IPO11: variants seen among roughly 807,000 people sequenced by gnomAD.
IPO11 encodes importin 11.
In IPO11, 66 loss-of-function variants were observed where a neutral mutation model predicts 143.2. That is an observed-to-expected ratio of 0.46 (90% CI 0.38 to 0.57). IPO11 has a LOEUF of 0.57. Ranked by LOEUF, IPO11 falls within the 20% of genes least tolerant of loss-of-function variation. The pLI is 0.00. For synonymous variants in IPO11, 385 were observed against 377.8 expected, an observed-to-expected ratio of 1.02 and a Z score of -0.22; for missense variants, 1,026 against 1,141.0, an observed-to-expected ratio of 0.90 and a Z score of 1.45.
rs778683858 is a variant in IPO11, at chr5:62,467,242, C to T, written c.628C>T (p.Arg210Ter). The change falls in exon 6 of 30, where the codon CGA (arginine) becomes TGA (stop). Residue 210 changes from arginine (R) to a stop codon, truncating the protein, a stop_gained. Coordinates refer to ENST00000325324, the MANE Select transcript of IPO11 (RefSeq NM_016338.5). LOFTEE classifies it high-confidence loss of function. Reference protein sequence around the residue: ...NEAAILSSLERTLLSLKVLRK... With the variant: ...NEAAILSSLE ...AGCTGCAATTTTGAGTTCACTAGAA[C>T]GAACACTGCTATCATTGAAAGGTAC... 4.3e-6 allele frequency: 7 copies of T among 1,613,722 alleles called. No homozygotes were observed. Among genetic ancestry groups the T allele is most frequent in the East Asian group, 2.2e-5 (1 of 44,858 alleles).
At chr5:62,442,266 G>GT (rs1367313939) in intron 2 of IPO11, among the ~76,000 whole-genome samples, 1 of 152,146 alleles carries the variant, frequency 6.6e-6, no homozygotes, top group Non-Finnish European at 1.5e-5. Context: ...CTATGCTGTA[G>GT]TGGGCCTACT....
At chr5:62,433,836 G>C (rs1305888585) in intron 1 of IPO11, among the ~76,000 whole-genome samples, 1 of 152,158 alleles carries the variant, frequency 6.6e-6, no homozygotes, top group Non-Finnish European at 1.5e-5. Flanking sequence ...ATTGCTTTGA[G>C]GGTTGGCAGT....
At chr5:62,554,716 TGGGGGGGTGG>T (rs1743513064) in intron 26 of IPO11, among the ~76,000 whole-genome samples, 1 of 25,922 alleles carries the variant, frequency 3.9e-5, no homozygotes. Flanking sequence ...CACACTTTTT[TGGGGGGGTGG>T]GGGTGGGGAG....
intron 28 of IPO11, among the ~76,000 whole-genome samples, chr5:62,599,176 T>C (rs937722937): frequency 2.0e-5 from 3 of 152,174 alleles, no homozygotes; most frequent in Admixed American, 1.3e-4. Context: ...CTTCAAGTGG[T>C]TGAGCTGAAA....
intron 16 of IPO11, among the ~76,000 whole-genome samples, chr5:62,500,205 C>A (rs1741301644): frequency 6.6e-6 from 1 of 152,120 alleles, no homozygotes; most frequent in South Asian, 2.1e-4. Flanking sequence ...TTGCTTGAGC[C>A]TAAGAGGTCA....
At chr5:62,515,190 A>G (rs1162179159) in intron 19 of IPO11, among the ~76,000 whole-genome samples, 198 bp from the exon 20 acceptor site, 1 of 152,324 alleles carries the variant, frequency 6.6e-6, no homozygotes, top group East Asian at 1.9e-4. Flanking sequence ...AAAATTATTT[A>G]AAAATATTTA....
rs550649153 is a variant in IPO11 at position 62,614,434 on chromosome 5, C to T, written c.2763+12586C>T. ...TCCCGCCAGCATTGTCATTACAGGA[C>T]AGGGAAGTGCTGCTGGCAGTAATGG... On this transcript the variant is annotated intron_variant, in intron 29 of 29. Coordinates refer to ENST00000325324, the MANE Select transcript of IPO11 (RefSeq NM_016338.5). Among the ~76,000 whole-genome samples the T allele has an allele frequency of 8.5e-5, 13 of 152,340 alleles. No individual in the cohort carries two copies. The South Asian group carries it at 2.7e-3, about 32-fold the overall frequency.
chr5:62,514,036 G>T (rs1433441042), intron 19 of IPO11, among the ~76,000 whole-genome samples: 4,244 of 142,322 alleles, frequency 0.03, no homozygotes, highest in East Asian at 0.072. Context: ...GATGGGATGG[G>T]GGCCGGGACG....
rs571544457 is a variant in IPO11, at chr5:62,542,846, A to G, written c.2250+5557A>G. On this transcript the variant is annotated intron_variant, in intron 24 of 29. Coordinates refer to ENST00000325324, the MANE Select transcript of IPO11 (RefSeq NM_016338.5). ...TTGAATTCTCATTCTGGTCATGGTC[A>G]TATTAAGCAATGTTAAGCCAAGTTT... Among the ~76,000 whole-genome samples the G allele has an allele frequency of 6.6e-5, 10 of 152,338 alleles. No homozygotes were observed. In the South Asian group the frequency reaches 1.7e-3, roughly 25 times the overall value.
chr5:62,542,963 C>G (rs767159), intron 24 of IPO11, among the ~76,000 whole-genome samples: 1 of 151,910 alleles, frequency 6.6e-6, no homozygotes, highest in African/African-American at 2.4e-5. Flanking sequence ...TAGCATTTAA[C>G]ATATGCTACA....
intron 1 of IPO11, among the ~76,000 whole-genome samples, chr5:62,435,082 G>GTATATATATA (rs1561308691): frequency 1.1e-5 from 1 of 94,504 alleles, no homozygotes; most frequent in African/African-American, 4.6e-5. Context: ...GTATATATAT[G>GTATATATATA]TGTATATATG....
intron 8 of IPO11, among the ~76,000 whole-genome samples, chr5:62,476,318 T>C (rs1306599348): frequency 1.3e-5 from 2 of 152,122 alleles, no homozygotes; most frequent in Non-Finnish European, 1.5e-5. Context: ...TCAGAAGATA[T>C]AGGAAAAATG....
chr5:62,579,536 C>T (rs1044629009), intron 27 of IPO11: 12 of 1,550,868 alleles, frequency 7.7e-6, no homozygotes, highest in African/African-American at 4.1e-5. Flanking sequence ...CTTGGATGTT[C>T]GTCTGTTTGT....
chr5:62,435,122 A>ATATATGTATATG (rs1744144688), intron 1 of IPO11, among the ~76,000 whole-genome samples: 2 of 108,816 alleles, frequency 1.8e-5, no homozygotes, highest in Non-Finnish European at 3.4e-5. Context: ...ATATATGTAT[A>ATATATGTATATG]TATGTATATA....
intron 29 of IPO11, among the ~76,000 whole-genome samples, chr5:62,622,364 A>G (rs1047884787): frequency 4.6e-5 from 7 of 152,142 alleles, no homozygotes; most frequent in Non-Finnish European, 1.0e-4. Flanking sequence ...TTGTATAAAG[A>G]TTTGTTGTGA....
intron 6 of IPO11, among the ~76,000 whole-genome samples, chr5:62,467,657 C>G (rs917717444): frequency 1.3e-5 from 2 of 152,138 alleles, no homozygotes; most frequent in Non-Finnish European, 2.9e-5. Context: ...TCCCTCCTTT[C>G]CCTGGAAAGG....
chr5:62,545,118 CA>C (rs1300530850), intron 24 of IPO11, among the ~76,000 whole-genome samples: 1 of 152,000 alleles, frequency 6.6e-6, no homozygotes, highest in Non-Finnish European at 1.5e-5. Context: ...CATATGGAAC[CA>C]AAAAAGAGCC....
Position 62,435,216 on chromosome 5 carries a change from A to ATATGTG in IPO11, c.-6-2055_-6-2054insGTGTAT, listed in dbSNP as rs1230582260. The stretch of plus-strand genomic sequence containing the variant: ...TATATATATGTATATATATGTGTAT[A>ATATGTG]TATATATATATCAGAGCAGCTGTAG... On this transcript the variant is annotated intron_variant, in intron 1 of 29. Coordinates refer to ENST00000325324, the MANE Select transcript of IPO11 (RefSeq NM_016338.5). 2.8e-5 allele frequency among the ~76,000 whole-genome samples: 4 copies of ATATGTG among 142,858 alleles called. 1 individual carries two copies. The highest frequency in any genetic ancestry group is 1.1e-4 in the African/African-American group (4 of 37,832). The allele number at this position is 142,858 out of a possible 152,430, so 93.7% of individuals were successfully genotyped here.
At chr5:62,455,865 C>G (rs1228414235) in intron 5 of IPO11, among the ~76,000 whole-genome samples, 1 of 151,894 alleles carries the variant, frequency 6.6e-6, no homozygotes, top group Non-Finnish European at 1.5e-5. Flanking sequence ...GCTAGGATTA[C>G]AGACATGCGC....
Sources: allele counts gnomAD v4.1 joint callset (sites outside exome capture counted in the v4.1 genomes callset), GRCh38; gene constraint gnomAD v4.1.1; transcripts MANE v1.5; gene names NCBI Gene and HGNC (gene_info 2026-07-23, HGNC 2026-07-21).